The following SHISA6 variants were observed in gnomAD, a reference collection of about 807,000 sequenced individuals.
SHISA6 encodes shisa family member 6.
In SHISA6, 22 loss-of-function variants were observed where a neutral mutation model predicts 47.9. That is an observed-to-expected ratio of 0.46 (90% CI 0.33 to 0.66). The LOEUF (loss-of-function observed/expected upper bound fraction) is 0.66, where lower values mean the gene tolerates loss of function less well. SHISA6 is among the 30% of genes least tolerant of loss of function. SHISA6 has a pLI of 0.02. For synonymous variants in SHISA6, 388 were observed against 337.8 expected (o/e 1.15, Z -1.63); for missense variants, 680 against 764.6 (o/e 0.89, Z 1.30).
intron 3 of SHISA6, among the ~76,000 whole-genome samples, chr17:11,515,242 CAAAAAAA>C (rs754884133): frequency 0.015 from 744 of 48,426 alleles, 7 homozygotes; most frequent in African/African-American, 0.042. Context: ...GACTCTTTCT[CAAAAAAA>C]AAAAAAAAAG....
chr17:11,419,070 G>C (rs1054192402), intron 3 of SHISA6, among the ~76,000 whole-genome samples: 6 of 152,030 alleles, frequency 3.9e-5, no homozygotes, highest in South Asian at 2.1e-4. Context: ...GTTGTGGGGT[G>C]GGGGGAGCGG....
chr17:11,296,587 C>T (rs12453178), intron 2 of SHISA6, among the ~76,000 whole-genome samples: 8,866 of 152,116 alleles, frequency 0.058, 472 homozygotes, highest in East Asian at 0.26. Flanking sequence ...GGACATGTTA[C>T]GTAGGAGACA....
intron 3 of SHISA6, among the ~76,000 whole-genome samples, chr17:11,476,850 C>T (rs1916063663): frequency 6.6e-6 from 1 of 152,138 alleles, no homozygotes; most frequent in South Asian, 2.1e-4. Context: ...ACTTCTGATA[C>T]AGAAGTACTA....
At chr17:11,518,685 G>T (rs1260368073) in intron 3 of SHISA6, among the ~76,000 whole-genome samples, 1 of 152,138 alleles carries the variant, frequency 6.6e-6, no homozygotes, top group Non-Finnish European at 1.5e-5. Flanking sequence ...AACTACAGAT[G>T]CCCAGACCCC....
intron 3 of SHISA6, among the ~76,000 whole-genome samples, chr17:11,415,711 G>A (rs1293199992): frequency 6.6e-6 from 1 of 151,544 alleles, no homozygotes; most frequent in Non-Finnish European, 1.5e-5. Context: ...TGTGGATTTT[G>A]CTGTTTTTCC....
At chr17:11,513,194 ATATGTGTGTATATATG>A (rs1481493036) in intron 3 of SHISA6, among the ~76,000 whole-genome samples, 2 of 41,140 alleles carry the variant, frequency 4.9e-5, no homozygotes, top group Admixed American at 3.2e-4. Flanking sequence ...ACACACATAT[ATATGTGTGTATATATG>A]TATGTGTTAT....
chr17:11,446,719 C>T (rs894433326), intron 3 of SHISA6, among the ~76,000 whole-genome samples: 1 of 152,182 alleles, frequency 6.6e-6, no homozygotes, highest in African/African-American at 2.4e-5. Flanking sequence ...GACCAGCCAC[C>T]TGATCTGGCT....
intron 3 of SHISA6, among the ~76,000 whole-genome samples, chr17:11,535,786 TA>T (rs1156274388): frequency 8.5e-5 from 13 of 152,186 alleles, no homozygotes; most frequent in African/African-American, 3.1e-4. Context: ...CTATAAAATG[TA>T]AATGAGCTCA....
At chr17:11,484,043 A>T (rs1567618027) in intron 3 of SHISA6, among the ~76,000 whole-genome samples, 1 of 152,250 alleles carries the variant, frequency 6.6e-6, no homozygotes. Flanking sequence ...ACATGCAGAG[A>T]AGTAAAAACA....
At chr17:11,550,559 G>A (rs913348572) in intron 3 of SHISA6, among the ~76,000 whole-genome samples, 1 of 152,196 alleles carries the variant, frequency 6.6e-6, no homozygotes, top group Non-Finnish European at 1.5e-5. Context: ...GGATACACTG[G>A]ATATGGAGAA....
At chr17:11,242,921 C>A (rs774753644) in intron 1 of SHISA6, among the ~76,000 whole-genome samples, 6 of 152,102 alleles carry the variant, frequency 3.9e-5, no homozygotes, top group Non-Finnish European at 5.9e-5. Context: ...AGAAACCCAG[C>A]CTCCCCTTAG....
chr17:11,413,881 G>A (rs187486447), intron 3 of SHISA6, among the ~76,000 whole-genome samples: 72 of 152,252 alleles, frequency 4.7e-4, no homozygotes, highest in African/African-American at 1.4e-3. Context: ...GAGGCGCTGC[G>A]CAGTCACAGT....
intron 3 of SHISA6, among the ~76,000 whole-genome samples, chr17:11,417,659 A>C (rs2142278564): frequency 6.6e-6 from 1 of 152,360 alleles, no homozygotes; most frequent in South Asian, 2.1e-4. Flanking sequence ...AAACAAACAT[A>C]GAAGGCTGCT....
chr17:11,395,512 A>AC (rs1491007391), intron 3 of SHISA6, among the ~76,000 whole-genome samples: 1 of 125,446 alleles, frequency 8.0e-6, no homozygotes, highest in East Asian at 2.3e-4. Flanking sequence ...AGGCAGTTTT[A>AC]CTTTTTTTTT....
chr17:11,479,698 T>C (rs901075238), intron 3 of SHISA6, among the ~76,000 whole-genome samples: 2 of 151,986 alleles, frequency 1.3e-5, no homozygotes, highest in Non-Finnish European at 2.9e-5. Context: ...CCTTGTAACA[T>C]TGGCATCATT....
intron 3 of SHISA6, among the ~76,000 whole-genome samples, chr17:11,405,548 G>A (rs140394420): frequency 7.2e-5 from 11 of 152,056 alleles, no homozygotes; most frequent in African/African-American, 2.2e-4. Flanking sequence ...TCACACCTGT[G>A]ATCCCAGCAC....
chr17:11,522,458 T>C (rs1229828062), intron 3 of SHISA6, among the ~76,000 whole-genome samples: 2 of 152,118 alleles, frequency 1.3e-5, no homozygotes, highest in Admixed American at 1.3e-4. Flanking sequence ...TATAGAGAAG[T>C]TGTAGTTTGG....
intron 2 of SHISA6, among the ~76,000 whole-genome samples, chr17:11,284,775 G>C (rs1046860275): frequency 1.3e-5 from 2 of 152,076 alleles, no homozygotes; most frequent in African/African-American, 2.4e-5. Context: ...ATTTTCACTG[G>C]CATGAATCCT....
intron 1 of SHISA6, among the ~76,000 whole-genome samples, chr17:11,251,701 G>C (rs1186391577): frequency 6.6e-6 from 1 of 152,132 alleles, no homozygotes. Flanking sequence ...GCTGTTCCCT[G>C]TTCTGGTTTT....
Sources: allele counts gnomAD v4.1 joint callset (sites outside exome capture counted in the v4.1 genomes callset), GRCh38; gene constraint gnomAD v4.1.1; transcripts MANE v1.5; gene names NCBI Gene and HGNC (gene_info 2026-07-23, HGNC 2026-07-21).